GALNTL6: variants seen among roughly 807,000 people sequenced by gnomAD.
GALNTL6 encodes polypeptide N-acetylgalactosaminyltransferase-like 6.
GALNTL6 carries 46 observed loss-of-function variants against 73.7 expected under a neutral mutation model. The observed-to-expected ratio is 0.62, with a 90% CI of 0.49 to 0.80. The LOEUF (loss-of-function observed/expected upper bound fraction) is 0.80. Among genes scored for constraint, GALNTL6 ranks in the 30% least tolerant of loss-of-function variants. The probability of loss-of-function intolerance (pLI) is 0.00; values close to 1 mark genes in which losing one functional copy is unlikely to be tolerated. For synonymous variants in GALNTL6, 259 were observed against 263.7 expected (o/e 0.98, Z 0.17); for missense variants, 604 against 755.0 (o/e 0.80, Z 2.34).
At chr4:172,860,587 TACTC>T (rs1388676106) in intron 7 of GALNTL6, among the ~76,000 whole-genome samples, 1 of 152,128 alleles carries the variant, frequency 6.6e-6, no homozygotes, top group African/African-American at 2.4e-5. Context: ...TGCAACCAGA[TACTC>T]TACCAAAAAG....
chr4:172,424,439 A>T (rs1731156855), intron 5 of GALNTL6, among the ~76,000 whole-genome samples: 1 of 152,126 alleles, frequency 6.6e-6, no homozygotes, highest in African/African-American at 2.4e-5. Context: ...AATATACAGA[A>T]ATTTGTAATA....
At chr4:172,092,333 C>G (rs953667227) in intron 2 of GALNTL6, among the ~76,000 whole-genome samples, 12 of 152,162 alleles carry the variant, frequency 7.9e-5, no homozygotes, top group Non-Finnish European at 1.5e-4. Context: ...ATTTGGAACA[C>G]ATATTAATAA....
At chr4:171,832,673 G>T (rs1735010167) in intron 2 of GALNTL6, among the ~76,000 whole-genome samples, 2 of 151,456 alleles carry the variant, frequency 1.3e-5, no homozygotes, top group African/African-American at 2.4e-5. Context: ...CTGGTTTATT[G>T]GTTTTATTTG....
intron 5 of GALNTL6, among the ~76,000 whole-genome samples, chr4:172,606,284 G>A (rs190311088): frequency 5.3e-4 from 80 of 151,380 alleles, no homozygotes; most frequent in Non-Finnish European, 9.7e-4. Context: ...GAGAAACCCC[G>A]TCTCTACTAA....
At chr4:172,487,813 C>T (rs899628598) in intron 5 of GALNTL6, among the ~76,000 whole-genome samples, 2 of 152,076 alleles carry the variant, frequency 1.3e-5, no homozygotes, top group African/African-American at 4.8e-5. Context: ...ATGATAAATA[C>T]CTCTAAGGTC....
intron 2 of GALNTL6, among the ~76,000 whole-genome samples, chr4:171,965,442 G>T (rs527853449): frequency 1.2e-4 from 18 of 151,950 alleles, no homozygotes; most frequent in African/African-American, 3.9e-4. Flanking sequence ...GGATCACAAG[G>T]TCAGGAGATC....
intron 5 of GALNTL6, among the ~76,000 whole-genome samples, chr4:172,743,287 T>G (rs142227794): frequency 5.9e-5 from 9 of 151,988 alleles, no homozygotes; most frequent in Non-Finnish European, 1.5e-5. Flanking sequence ...GAGCCTTTTA[T>G]TTTTACCCCC....
chr4:172,705,213 A>ATTT (rs58644433), intron 5 of GALNTL6, among the ~76,000 whole-genome samples: 19,817 of 146,192 alleles, frequency 0.14, 1,566 homozygotes, highest in Admixed American at 0.24. Context: ...TACTACTGCT[A>ATTT]TTTTTTTTTT....
chr4:172,437,049 C>T (rs931636652), intron 5 of GALNTL6, among the ~76,000 whole-genome samples: 1 of 152,066 alleles, frequency 6.6e-6, no homozygotes, highest in East Asian at 1.9e-4. Flanking sequence ...CTTGTGAGGC[C>T]ACCACACAAA....
At chr4:172,413,100 A>G (rs753080673) in intron 5 of GALNTL6, among the ~76,000 whole-genome samples, 10 of 152,226 alleles carry the variant, frequency 6.6e-5, no homozygotes, top group Non-Finnish European at 1.3e-4. Context: ...AGTGAATCAC[A>G]TAACTATTCA....
intron 5 of GALNTL6, among the ~76,000 whole-genome samples, chr4:172,770,690 T>G (rs1206756181): frequency 6.6e-6 from 1 of 152,230 alleles, no homozygotes; most frequent in Non-Finnish European, 1.5e-5. Flanking sequence ...TAATTGACTT[T>G]TATGCTGAAT....
chr4:172,851,959 G>A (rs925123767), intron 7 of GALNTL6, among the ~76,000 whole-genome samples: 1 of 152,092 alleles, frequency 6.6e-6, no homozygotes, highest in Non-Finnish European at 1.5e-5. Context: ...GAAGGTTTAG[G>A]TAACCAAGGA....
At chr4:171,884,036 C>T (rs763264136) in intron 2 of GALNTL6, among the ~76,000 whole-genome samples, 5 of 152,180 alleles carry the variant, frequency 3.3e-5, no homozygotes, top group Non-Finnish European at 7.3e-5. Flanking sequence ...TACATAGAAT[C>T]CATATTTCTG....
rs540308332 is a variant in GALNTL6, at chr4:172,655,804, A to G, written c.554-153557A>G. Among the ~76,000 whole-genome samples the G allele has an allele frequency of 1.2e-4, 18 of 152,360 alleles. No homozygotes were observed. In the East Asian group the frequency reaches 3.3e-3, roughly 28 times the overall value. On this transcript the variant is annotated intron_variant, in intron 5 of 12. Transcript: ENST00000506823. ...AATAAGATAAGTTAAATGTATCATCATCCACATTTTTCTAGCATAGTGTAG... is the reference window on the plus strand; with the variant it reads ...AATAAGATAAGTTAAATGTATCATCGTCCACATTTTTCTAGCATAGTGTAG...
intron 2 of GALNTL6, chr4:171,816,044 AAAG>A (rs1437961392): frequency 2.0e-5 from 3 of 152,160 alleles, no homozygotes; most frequent in Non-Finnish European, 2.9e-5. Context: ...CCAGTGAAAA[AAAG>A]AAGATGGACA....
intron 5 of GALNTL6, among the ~76,000 whole-genome samples, chr4:172,489,001 A>G (rs1733804016): frequency 6.6e-6 from 1 of 152,178 alleles, no homozygotes; most frequent in South Asian, 2.1e-4. Context: ...AGAATTACAA[A>G]TACCTGCAAA....
At chr4:172,371,039 T>C (rs1742789367) in intron 5 of GALNTL6, among the ~76,000 whole-genome samples, 1 of 152,230 alleles carries the variant, frequency 6.6e-6, no homozygotes, top group Admixed American at 6.5e-5. Context: ...CCATATTAAC[T>C]TAGAATTGGT....
At chr4:172,671,856 T>G (rs983074514) in intron 5 of GALNTL6, among the ~76,000 whole-genome samples, 16 of 152,106 alleles carry the variant, frequency 1.1e-4, no homozygotes, top group Non-Finnish European at 2.2e-4. Context: ...TTTGTTTGTT[T>G]GGTTTTTTGT....
intron 5 of GALNTL6, among the ~76,000 whole-genome samples, chr4:172,565,894 A>G (rs1736537707): frequency 6.6e-6 from 1 of 152,170 alleles, no homozygotes; most frequent in African/African-American, 2.4e-5. Context: ...TGATACTTAT[A>G]TAAGACAAAA....
Sources: allele counts gnomAD v4.1 joint callset (sites outside exome capture counted in the v4.1 genomes callset), GRCh38; gene constraint gnomAD v4.1.1; transcripts MANE v1.5; gene names NCBI Gene and HGNC (gene_info 2026-07-23, HGNC 2026-07-21).